The following KIF1B variants were observed in gnomAD, a reference collection of about 807,000 sequenced individuals.
KIF1B encodes the protein kinesin-like protein KIF1B.
KIF1B carries 76 observed loss-of-function variants against 241.9 expected under a neutral mutation model. That is an observed-to-expected ratio of 0.31 (90% CI 0.26 to 0.38). The LOEUF (loss-of-function observed/expected upper bound fraction) is 0.38, where lower values mean the gene tolerates loss of function less well. Ranked by LOEUF, KIF1B falls within the 10% of genes least tolerant of loss-of-function variation. The pLI is 1.00. For missense variants in KIF1B, 1,622 were observed against 2,271.4 expected (o/e 0.71, Z 5.81); for synonymous variants, 750 against 796.7 (o/e 0.94, Z 0.99).
intron 2 of KIF1B, among the ~76,000 whole-genome samples, chr1:10,242,094 G>A (rs989074998): frequency 1.3e-5 from 2 of 152,130 alleles, no homozygotes; most frequent in Non-Finnish European, 2.9e-5. Flanking sequence ...TAAGAAATAC[G>A]AAGTTAGGTT....
Position 10,258,675 on chromosome 1 carries a change from G to A in KIF1B, c.363+3G>A. 1 of 1,613,938 alleles carries A rather than the reference G, an allele frequency of 6.2e-7. No individual in the cohort carries two copies. Among genetic ancestry groups the A allele is most frequent in the Non-Finnish European group, 8.5e-7 (1 of 1,179,908 alleles). On this transcript the variant is annotated splice_donor_region_variant and intron_variant, in intron 4 of 48. Coordinates refer to ENST00000676179, the MANE Select transcript of KIF1B (RefSeq NM_001365951.3). ...GCCAGGCTGGCATCATTCCACAGGT[G>A]AAAAACAAAACAAAACAAAAATCTT... is the stretch of plus-strand genomic sequence containing the variant.
Position 10,339,864 on chromosome 1 carries a change from G to A in KIF1B, c.3513+5G>A, listed in dbSNP as rs1400412420. ...GCCTTTTATCATGTGCAGAATGTAA[G>A]TGACATGGACCTTTTTGCCAAACAT... On this transcript the variant is annotated splice_donor_5th_base_variant and intron_variant, in intron 32 of 48. Transcript: ENST00000676179. 1 of 1,612,228 alleles carries A rather than the reference G, an allele frequency of 6.2e-7. No individual in the cohort carries two copies. Among genetic ancestry groups the A allele is most frequent in the African/African-American group, 1.3e-5 (1 of 74,870 alleles).
intron 10 of KIF1B, 39 bp from the exon 11 acceptor site, chr1:10,275,389 T>G: frequency 8.5e-7 from 1 of 1,179,166 alleles, no homozygotes; most frequent in Non-Finnish European, 1.3e-6. Context: ...TTTTTTTCCC[T>G]AACGAAAAAT....
intron 5 of KIF1B, among the ~76,000 whole-genome samples, chr1:10,263,816 A>T (rs184938311): frequency 6.6e-6 from 1 of 152,282 alleles, no homozygotes; most frequent in Non-Finnish European, 1.5e-5. Flanking sequence ...ATAGATTCCT[A>T]GTTGACACTG....
chr1:10,296,609 G>A lies in KIF1B; in HGVS notation c.1805G>A (p.Arg602His), dbSNP rs1173721364. The change falls in exon 20 of 49, where the codon CGC becomes CAC. Residue 602 changes from arginine to histidine, a missense_variant. By Grantham distance (29) the Arg-to-His change is conservative. Coordinates refer to ENST00000676179, the MANE Select transcript of KIF1B (RefSeq NM_001365951.3). ...EVIVTLEPCE[R>H]SETYVNGKRV... The stretch of plus-strand genomic sequence containing the variant: ...ATCGTGACCTTAGAGCCCTGTGAGC[G>A]CTCAGAAACCTACGTAAATGGCAAG... The A allele has an allele frequency of 6.8e-6, 11 of 1,613,822 alleles. No homozygotes were observed. The highest frequency in any genetic ancestry group is 2.2e-5 in the South Asian group (2 of 91,044).
chr1:10,371,306 A>G, intron 45 of KIF1B, 44 bp downstream of exon 45: 1 of 1,610,758 alleles, frequency 6.2e-7, no homozygotes, highest in South Asian at 1.1e-5. Flanking sequence ...CTAAGAACCA[A>G]GGTAAATGTC....
intron 15 of KIF1B, among the ~76,000 whole-genome samples, chr1:10,284,818 C>T (rs897899437): frequency 6.6e-6 from 1 of 151,906 alleles, no homozygotes; most frequent in East Asian, 1.9e-4. Context: ...GCTAAGATTG[C>T]GCCAATGCCC....
chr1:10,275,309 C>T, intron 10 of KIF1B, 119 bp from the exon 11 acceptor site: 1 of 671,250 alleles, frequency 1.5e-6, no homozygotes, highest in South Asian at 1.6e-5. Context: ...TGATAAACTT[C>T]CACAGTGTCG....
intron 43 of KIF1B, among the ~76,000 whole-genome samples, chr1:10,367,099 A>G (rs897733573): frequency 5.9e-5 from 9 of 151,798 alleles, no homozygotes; most frequent in Non-Finnish European, 4.4e-5. Context: ...GCTTTTTAAA[A>G]TTTTATTTTT....
At chr1:10,313,589 C>A (rs543663504) in intron 22 of KIF1B, among the ~76,000 whole-genome samples, 1 of 129,474 alleles carries the variant, frequency 7.7e-6, no homozygotes, top group Non-Finnish European at 1.5e-5. Flanking sequence ...CTCGCTCTGT[C>A]GCCCAGGCTG....
Position 10,348,747 on chromosome 1 carries a change from A to G in KIF1B, c.3949+14A>G. 1 of 1,605,330 alleles carries G rather than the reference A, an allele frequency of 6.2e-7. No homozygotes were observed. Among genetic ancestry groups the G allele is most frequent in the Non-Finnish European group, 8.5e-7 (1 of 1,172,252 alleles). On this transcript the variant is annotated intron_variant, in intron 37 of 48. Coordinates refer to ENST00000676179, the MANE Select transcript of KIF1B (RefSeq NM_001365951.3). Reference sequence around the variant, plus strand: ...AACTGGTGGTAGGTGAGTACGTTTCATCAGCCAAGGATAGAACCAGGACTT... The same window carrying G: ...AACTGGTGGTAGGTGAGTACGTTTCGTCAGCCAAGGATAGAACCAGGACTT...
chr1:10,337,678 C>T lies in KIF1B; in HGVS notation c.3422+145C>T. On this transcript the variant is annotated intron_variant, in intron 31 of 48. Coordinates refer to ENST00000676179, the MANE Select transcript of KIF1B (RefSeq NM_001365951.3). This position sits in a 1 kb window ranked among gnomAD's most constrained non-coding sequence, Gnocchi z 4.0. ...TCTCTGAAGGAAAATACTTTCATCA[C>T]TCCTATGGGAGTGAGAACCAGAAAC... is the stretch of plus-strand genomic sequence containing the variant. The T allele has an allele frequency of 1.1e-6, 1 of 945,608 alleles. No individual in the cohort carries two copies. The highest frequency in any genetic ancestry group is 1.6e-6 in the Non-Finnish European group (1 of 623,368). 58.6% of individuals were successfully genotyped at this position (945,608 alleles called of 1,614,324 possible). A position where few individuals can be genotyped will look rare whatever the true frequency, so the allele number is the denominator to read the frequency against.
chr1:10,243,043 C>T (rs905808521), intron 2 of KIF1B, among the ~76,000 whole-genome samples: 1 of 152,210 alleles, frequency 6.6e-6, no homozygotes, highest in Non-Finnish European at 1.5e-5. Context: ...ACTCTTTCCA[C>T]ACCACATTGT....
At chr1:10,334,414 G>A in intron 27 of KIF1B, 106 bp from the exon 28 acceptor site, 1 of 906,670 alleles carries the variant, frequency 1.1e-6, no homozygotes, top group Non-Finnish European at 1.9e-6. Flanking sequence ...TTAAGACAAG[G>A]CCAGAAGTCA....
At chr1:10,235,116 C>G (rs1647033503) in intron 2 of KIF1B, among the ~76,000 whole-genome samples, 1 of 151,810 alleles carries the variant, frequency 6.6e-6, no homozygotes, top group Non-Finnish European at 1.5e-5. Context: ...TCTTGAACTC[C>G]TGACCTCAGG....
chr1:10,232,263 A>T lies in KIF1B; in HGVS notation c.-66A>T. ...TTCTTTTCAAAGGAAACTTGGCTGT[A>T]ACTTCAAAAGAAGATTTGATTCTTT... On this transcript the variant is annotated 5_prime_UTR_variant, in exon 2 of 49. Transcript: ENST00000676179. 7.9e-7 allele frequency: 1 copy of T among 1,269,324 alleles called. No individual in the cohort carries two copies. The highest frequency in any genetic ancestry group is 1.1e-6 in the Non-Finnish European group (1 of 887,454). The allele number at this position is 1,269,324 out of a possible 1,614,324, so 78.6% of individuals were successfully genotyped here.
intron 14 of KIF1B, among the ~76,000 whole-genome samples, chr1:10,279,971 A>G (rs1649324941): frequency 6.6e-6 from 1 of 151,880 alleles, no homozygotes; most frequent in Non-Finnish European, 1.5e-5. Context: ...CCAAAGTGCT[A>G]GGATTATAGA....
chr1:10,211,145 C>T lies in KIF1B; in HGVS notation c.-80+267C>T, dbSNP rs186858626. On this transcript the variant is annotated intron_variant, in intron 1 of 48. Transcript: ENST00000676179. ...TCCGTTTCCCCCGCGCTGCCAGGCC[C>T]CGGCTGTGCCCAGCGCTCTCCAGAC... Among the ~76,000 whole-genome samples, 857 of 152,312 alleles carry T rather than the reference C, an allele frequency of 5.6e-3. 10 individuals are homozygous for T. The highest frequency in any genetic ancestry group is 0.019 in the African/African-American group (797 of 41,578).
chr1:10,307,615 GT>G (rs1476809981), intron 22 of KIF1B: 6 of 1,011,826 alleles, frequency 5.9e-6, no homozygotes, highest in Non-Finnish European at 7.1e-6. Context: ...TGGCCTGTTT[GT>G]TTTTTTAACA....
Sources: gnomAD v4.1 joint callset for allele counts (sites outside exome capture counted in the v4.1 genomes callset) on GRCh38, gnomAD v4.1.1 for gene constraint, Gnocchi (gnomAD v3.1) non-coding constraint, MANE v1.5 for transcripts, NCBI Gene and HGNC (gene_info 2026-07-23, HGNC 2026-07-21) for gene names.